GNA14: variants seen among roughly 807,000 people sequenced by gnomAD.
GNA14 encodes G protein subunit alpha 14.
Under a neutral mutation model 42.0 loss-of-function variants are expected in GNA14, and 50 were observed. The observed-to-expected ratio is 1.19, with a 90% CI of 0.95 to 1.51. The LOEUF (loss-of-function observed/expected upper bound fraction) is 1.51. Ranked by LOEUF, GNA14 falls within the 40% of genes most tolerant of loss-of-function variation. The pLI is 0.00. For synonymous variants in GNA14, 173 were observed against 163.1 expected, an observed-to-expected ratio of 1.06 and a Z score of -0.46; for missense variants, 473 against 446.2, an observed-to-expected ratio of 1.06 and a Z score of -0.54.
At chr9:77,592,815 G>A (rs1174360466) in intron 1 of GNA14, among the ~76,000 whole-genome samples, 5 of 152,072 alleles carry the variant, frequency 3.3e-5, no homozygotes, top group Non-Finnish European at 7.4e-5. Context: ...TGCCCTTCCT[G>A]AAGGACAAAC....
intron 1 of GNA14, among the ~76,000 whole-genome samples, chr9:77,639,439 G>C (rs1824224704): frequency 6.6e-6 from 1 of 152,192 alleles, no homozygotes; most frequent in Non-Finnish European, 1.5e-5. Context: ...CAGTGGAAAA[G>C]CCTATATTTT....
Position 77,490,379 on chromosome 9 carries a change from G to A in GNA14, c.309+38690C>T, listed in dbSNP as rs376383734. On this transcript the variant is annotated intron_variant, in intron 2 of 6. Coordinates refer to ENST00000341700, the MANE Select transcript of GNA14 (RefSeq NM_004297.4). Reference sequence around the variant, plus strand: ...GCTGCCTGCCTGTCCCGTGCCATGCGCTCGCACTCCTCAGCCCTTGGGCGG... The same window carrying A: ...GCTGCCTGCCTGTCCCGTGCCATGCACTCGCACTCCTCAGCCCTTGGGCGG... 1.8e-4 allele frequency among the ~76,000 whole-genome samples: 28 copies of A among 152,358 alleles called. No homozygotes were observed. The East Asian group carries it at 4.2e-3, about 23-fold the overall frequency.
At chr9:77,459,199 G>A (rs7041481) in intron 2 of GNA14, among the ~76,000 whole-genome samples, 41,328 of 151,522 alleles carry the variant, frequency 0.27, 6,002 homozygotes, top group East Asian at 0.36. Flanking sequence ...TCACATCACT[G>A]CCCTCCAGCC....
chr9:77,592,696 A>G (rs72732777), intron 1 of GNA14, among the ~76,000 whole-genome samples: 411 of 152,278 alleles, frequency 2.7e-3, no homozygotes, highest in Non-Finnish European at 4.3e-3. Flanking sequence ...TCAACCCTTC[A>G]TAAATTCTTT....
chr9:77,641,530 C>G (rs1824267684), intron 1 of GNA14, among the ~76,000 whole-genome samples: 1 of 150,096 alleles, frequency 6.7e-6, no homozygotes, highest in Admixed American at 6.7e-5. Flanking sequence ...GATCGCTAAT[C>G]GTAAGAAAAT....
rs527886422 is a variant in GNA14 at position 77,476,394 on chromosome 9, G to A, written c.310-41872C>T. Among the ~76,000 whole-genome samples, 5 of 152,304 alleles carry A rather than the reference G, an allele frequency of 3.3e-5. No homozygotes were observed. The East Asian group carries it at 9.7e-4, about 29-fold the overall frequency. ...CATCTTCATCTCTGGGGAGGCCACA[G>A]AGCACAGCAGAGCAGCTGGCTCATT... On this transcript the variant is annotated intron_variant, in intron 2 of 6. Coordinates refer to ENST00000341700, the MANE Select transcript of GNA14 (RefSeq NM_004297.4).
At chr9:77,622,179 A>G (rs1823936551) in intron 1 of GNA14, among the ~76,000 whole-genome samples, 1 of 152,258 alleles carries the variant, frequency 6.6e-6, no homozygotes, top group Non-Finnish European at 1.5e-5. Context: ...AATACAGAAC[A>G]TGCAAATCAG....
chr9:77,594,937 G>A (rs1259220966), intron 1 of GNA14, among the ~76,000 whole-genome samples: 1 of 152,220 alleles, frequency 6.6e-6, no homozygotes, highest in East Asian at 1.9e-4. Context: ...CTTGGGAACA[G>A]GAAATAAGTG....
chr9:77,466,377 C>T (rs1390903771), intron 2 of GNA14, among the ~76,000 whole-genome samples: 1 of 152,144 alleles, frequency 6.6e-6, no homozygotes, highest in African/African-American at 2.4e-5. Context: ...CCTCTGTTAG[C>T]TCAAATCTAC....
chr9:77,495,288 T>C (rs1836852946), intron 2 of GNA14, among the ~76,000 whole-genome samples: 1 of 152,018 alleles, frequency 6.6e-6, no homozygotes, highest in African/African-American at 2.4e-5. Context: ...CCCTGAAATG[T>C]AGCTAGTTAG....
At chr9:77,645,288 G>C (rs1827803505) in intron 1 of GNA14, among the ~76,000 whole-genome samples, 1 of 152,176 alleles carries the variant, frequency 6.6e-6, no homozygotes, top group Admixed American at 6.5e-5. Flanking sequence ...AGAGAGATGG[G>C]TGAATTTTTC....
intron 1 of GNA14, among the ~76,000 whole-genome samples, chr9:77,556,826 T>A (rs904803862): frequency 6.6e-6 from 1 of 152,334 alleles, no homozygotes; most frequent in African/African-American, 2.4e-5. Flanking sequence ...TAAGAATGTA[T>A]CTTTGGCAGG....
intron 2 of GNA14, among the ~76,000 whole-genome samples, chr9:77,438,765 AAC>A (rs56923178): frequency 0.016 from 2,471 of 152,292 alleles, 28 homozygotes; most frequent in Admixed American, 0.026. Flanking sequence ...CATGTGGGCC[AAC>A]ACACACAGTT....
intron 2 of GNA14, chr9:77,456,501 TAGA>T (rs554917709): frequency 2.0e-5 from 3 of 152,246 alleles, no homozygotes; most frequent in South Asian, 2.1e-4. Flanking sequence ...GTTCCAGAAA[TAGA>T]AGAAGGGCTT....
intron 1 of GNA14, among the ~76,000 whole-genome samples, chr9:77,542,864 C>A (rs1313975745): frequency 6.6e-6 from 1 of 152,194 alleles, no homozygotes; most frequent in African/African-American, 2.4e-5. Context: ...GGGAAGGGAA[C>A]TAGGTTGGTG....
chr9:77,492,755 A>G (rs1836798828), intron 2 of GNA14, among the ~76,000 whole-genome samples: 2 of 151,910 alleles, frequency 1.3e-5, no homozygotes, highest in East Asian at 3.9e-4. Flanking sequence ...TAATCCCAGC[A>G]CTTTGGGAGG....
chr9:77,554,527 C>T (rs1423091397), intron 1 of GNA14, among the ~76,000 whole-genome samples: 11 of 152,076 alleles, frequency 7.2e-5, no homozygotes, highest in Admixed American at 1.3e-4. Flanking sequence ...ATTTTCAATG[C>T]GAGGGATTCA....
chr9:77,641,788 A>T (rs1359335022), intron 1 of GNA14, among the ~76,000 whole-genome samples: 1 of 152,188 alleles, frequency 6.6e-6, no homozygotes, highest in East Asian at 1.9e-4. Flanking sequence ...AATAGATTGG[A>T]CACAAATATT....
rs148946672 is a variant in GNA14 at position 77,639,507 on chromosome 9, C to T, written c.124+8163G>A. Reference sequence around the variant, plus strand: ...TAACCGCTGTGTCACACTGCCTCCCCCCAACAACCTGGTAGATGAGCACAA... The same window carrying T: ...TAACCGCTGTGTCACACTGCCTCCCTCCAACAACCTGGTAGATGAGCACAA... On this transcript the variant is annotated intron_variant, in intron 1 of 6. Transcript: ENST00000341700. 1.6e-3 allele frequency among the ~76,000 whole-genome samples: 251 copies of T among 152,336 alleles called. 1 individual carries two copies. The highest frequency in any genetic ancestry group is 2.5e-3 in the Non-Finnish European group (173 of 68,032).
Sources: gnomAD v4.1 joint callset for allele counts (sites outside exome capture counted in the v4.1 genomes callset) on GRCh38, gnomAD v4.1.1 for gene constraint, MANE v1.5 for transcripts, NCBI Gene and HGNC (gene_info 2026-07-23, HGNC 2026-07-21) for gene names.